The following TECTA variants were observed in gnomAD, a reference collection of about 807,000 sequenced individuals.
The protein encoded by TECTA is tectorin alpha.
TECTA carries 128 observed loss-of-function variants against 216.8 expected under a neutral mutation model. The observed-to-expected ratio is 0.59, with a 90% CI of 0.51 to 0.68. TECTA has a LOEUF of 0.68. Ranked by LOEUF, TECTA falls within the 30% of genes least tolerant of loss-of-function variation. The pLI, the probability that TECTA is intolerant of heterozygous loss-of-function variation, is 0.00. For synonymous variants in TECTA, 1,089 were observed against 1,117.1 expected, an observed-to-expected ratio of 0.97 and a Z score of 0.50; for missense variants, 2,551 against 2,786.2, an observed-to-expected ratio of 0.92 and a Z score of 1.90.
Position 121,140,371 on chromosome 11 carries a change from C to T in TECTA, c.3543+2349C>T, listed in dbSNP as rs144783480. On this transcript the variant is annotated intron_variant, in intron 11 of 23. Coordinates refer to ENST00000392793, the MANE Select transcript of TECTA (RefSeq NM_005422.4). ...TTCCCTCTACTTTAGGGTTAAGCCC[C>T]CAGTGGGTTAGCTCTCCCTCCAGGC... Among the ~76,000 whole-genome samples the T allele has an allele frequency of 7.8e-3, 1,183 of 152,268 alleles. 16 individuals are homozygous for T. Among genetic ancestry groups the T allele is most frequent in the African/African-American group, 0.027 (1,125 of 41,544 alleles).
At chr11:121,111,659 G>A (rs760420053) in intron 4 of TECTA, among the ~76,000 whole-genome samples, 3 of 152,160 alleles carry the variant, frequency 2.0e-5, no homozygotes, top group Non-Finnish European at 4.4e-5. Flanking sequence ...CCCTTCTGAA[G>A]GAGAATCTTG....
intron 10 of TECTA, among the ~76,000 whole-genome samples, chr11:121,132,380 G>C (rs969472817): frequency 6.6e-6 from 1 of 152,126 alleles, no homozygotes. Context: ...TGCTTTCCAC[G>C]AGGCACGATG....
At chr11:121,182,046 T>G (rs1947234910) in intron 20 of TECTA, among the ~76,000 whole-genome samples, 1 of 152,212 alleles carries the variant, frequency 6.6e-6, no homozygotes, top group Admixed American at 6.5e-5. Context: ...AGGCTATTAA[T>G]GGAGGATATG....
At position 121,102,725 on chromosome 11, in the gene TECTA, C is replaced by A; in HGVS notation, c.60C>A (p.His20Gln). ...CTTTCATCTTCGCACTTGTACAGCA[C>A]CAAGGTGAGTACTACAGAATTCCAT... ...WVSFIFALVQ[H>Q]QAQPRELMYP... The change falls in exon 2 of 24, where the codon CAC becomes CAA. Residue 20 changes from histidine to glutamine, a missense_variant. This residue lies in a region of TECTA where 2,375 missense variants were observed against 2,563.9 expected (regional missense o/e 0.93). Coordinates refer to ENST00000392793, the MANE Select transcript of TECTA (RefSeq NM_005422.4). The A allele has an allele frequency of 6.2e-7, 1 of 1,613,158 alleles. No homozygotes were observed.
At chr11:121,176,144 T>A (rs1291917784) in intron 20 of TECTA, among the ~76,000 whole-genome samples, 2 of 151,862 alleles carry the variant, frequency 1.3e-5, no homozygotes, top group African/African-American at 2.4e-5. Flanking sequence ...TTTATCCAAT[T>A]TGCCAGTCTG....
intron 13 of TECTA, among the ~76,000 whole-genome samples, chr11:121,156,590 C>G (rs973858183): frequency 6.6e-6 from 1 of 152,074 alleles, no homozygotes; most frequent in African/African-American, 2.4e-5. Context: ...GTGATCCACC[C>G]ACCTCAGCCT....
chr11:121,128,343 AGG>A lies in TECTA; in HGVS notation c.2367_2367+1del. 1 of 1,599,478 alleles carries A rather than the reference AGG, an allele frequency of 6.3e-7. No individual in the cohort carries two copies. The highest frequency in any genetic ancestry group is 2.2e-5 in the East Asian group (1 of 44,872). ...GGAGGCATCGGGGCTTCGGAAGTCA[AGG>A]TAAGGCTCCTTGCTCCTTTGGAGGG... is the stretch of plus-strand genomic sequence containing the variant. On this transcript the variant is annotated splice_donor_variant and coding_sequence_variant, in exon 9 of 24. Transcript: ENST00000392793. LOFTEE classifies it high-confidence loss of function.
chr11:121,174,591 G>A (rs1947146173), intron 20 of TECTA, among the ~76,000 whole-genome samples: 1 of 152,182 alleles, frequency 6.6e-6, no homozygotes, highest in Admixed American at 6.5e-5. Context: ...GATTTGGTTT[G>A]CCAGTATTTT....
chr11:121,109,686 C>G, intron 4 of TECTA, 188 bp downstream of exon 4: 4 of 658,762 alleles, frequency 6.1e-6, no homozygotes, highest in Non-Finnish European at 1.0e-5. Flanking sequence ...GCCCAGTCAG[C>G]TGTAATATTT....
intron 12 of TECTA, among the ~76,000 whole-genome samples, chr11:121,152,154 A>G (rs1366786910): frequency 6.6e-6 from 1 of 152,240 alleles, no homozygotes; most frequent in Non-Finnish European, 1.5e-5. Flanking sequence ...CTTCTATAGA[A>G]GCATCTAGAT....
At chr11:121,129,232 G>A (rs188679240) in intron 9 of TECTA, among the ~76,000 whole-genome samples, 44 of 152,284 alleles carry the variant, frequency 2.9e-4, no homozygotes, top group South Asian at 2.1e-4. Flanking sequence ...ATGTGCCCTC[G>A]AGGAGCTGGG....
chr11:121,166,775 G>C lies in TECTA; in HGVS notation c.5581G>C (p.Val1861Leu). The part of the protein sequence containing the change: ...NNTKGNCGNI[V>L]QSNGTHIMYK... Reference sequence around the variant, plus strand: ...CACCAAAGGGAATTGTGGAAACATTGTGCAGGTGAGAAAAGCAGCAGGAAA... The same window carrying C: ...CACCAAAGGGAATTGTGGAAACATTCTGCAGGTGAGAAAAGCAGCAGGAAA... The change falls in exon 18 of 24, where the codon GTG becomes CTG. Residue 1861 changes from valine to leucine, a missense_variant. Physicochemically the swap from Val to Leu is conservative, Grantham distance 32. Coordinates refer to ENST00000392793, the MANE Select transcript of TECTA (RefSeq NM_005422.4). The C allele has an allele frequency of 6.2e-7, 1 of 1,613,896 alleles. No individual in the cohort carries two copies. Among genetic ancestry groups the C allele is most frequent in the African/African-American group, 1.3e-5 (1 of 75,070 alleles).
chr11:121,177,632 G>T (rs989532065), intron 20 of TECTA, among the ~76,000 whole-genome samples: 1 of 152,212 alleles, frequency 6.6e-6, no homozygotes, highest in South Asian at 2.1e-4. Flanking sequence ...AGGGGTCAGG[G>T]ACCCACTTGA....
chr11:121,142,737 T>G (rs1284175567), intron 11 of TECTA, among the ~76,000 whole-genome samples: 1 of 152,160 alleles, frequency 6.6e-6, no homozygotes. Context: ...CCATGCACCC[T>G]GTCACTTAAA....
intron 10 of TECTA, among the ~76,000 whole-genome samples, chr11:121,133,148 G>A (rs991573659): frequency 6.6e-6 from 1 of 152,150 alleles, no homozygotes; most frequent in Non-Finnish European, 1.5e-5. Flanking sequence ...AACTACATAA[G>A]AGAACACCTG....
At chr11:121,102,613 T>G in intron 1 of TECTA, 52 bp from the exon 2 acceptor site, 1 of 1,469,208 alleles carries the variant, frequency 6.8e-7, no homozygotes, top group Non-Finnish European at 9.5e-7. Flanking sequence ...TGGTGTTCTG[T>G]TTACTCTGGC....
intron 12 of TECTA, among the ~76,000 whole-genome samples, chr11:121,151,505 T>C (rs559788749): frequency 7.0e-4 from 106 of 152,258 alleles, no homozygotes; most frequent in African/African-American, 2.4e-3. Context: ...ATGCAAAAAA[T>C]AATGGACAAG....
At chr11:121,161,508 GGCCGGCCT>G (rs1420767233) in intron 15 of TECTA, among the ~76,000 whole-genome samples, 47 of 112,496 alleles carry the variant, frequency 4.2e-4, no homozygotes, top group Non-Finnish European at 1.9e-4. Flanking sequence ...GTTTGGATTT[GGCCGGCCT>G]GCCTCCCTCC....
At chr11:121,167,949 G>A (rs1947071344) in intron 18 of TECTA, 105 bp from the exon 19 acceptor site, 1 of 1,326,652 alleles carries the variant, frequency 7.5e-7, no homozygotes, top group South Asian at 1.2e-5. Flanking sequence ...TCTAAATTAT[G>A]TATGGAAGGA....
Sources: gnomAD v4.1 joint callset for allele counts (sites outside exome capture counted in the v4.1 genomes callset) on GRCh38, gnomAD v4.1.1 for gene constraint, gnomAD v4.1.1 regional missense constraint, MANE v1.5 for transcripts, NCBI Gene and HGNC (gene_info 2026-07-23, HGNC 2026-07-21) for gene names.